ANKFN1: variants seen among roughly 807,000 people sequenced by gnomAD.
ANKFN1 encodes ankyrin repeat and fibronectin type-III domain-containing protein 1.
ANKFN1 carries 74 observed loss-of-function variants against 108.7 expected under a neutral mutation model. The ratio of observed to expected loss-of-function variants is 0.68; its 90% confidence interval spans 0.56 to 0.83. ANKFN1 has a LOEUF of 0.83. Among genes scored for constraint, ANKFN1 ranks in the 40% least tolerant of loss-of-function variants. ANKFN1 has a pLI of 0.00. For missense variants in ANKFN1, 1,505 were observed against 1,382.3 expected (o/e 1.09, Z -1.41); for synonymous variants, 547 against 516.2 (o/e 1.06, Z -0.81).
intron 18 of ANKFN1, among the ~76,000 whole-genome samples, chr17:56,483,302 A>G (rs1042614630): frequency 6.6e-6 from 1 of 152,180 alleles, no homozygotes; most frequent in African/African-American, 2.4e-5. Flanking sequence ...AATTAGCAAG[A>G]GTTCGGTCAG....
intron 8 of ANKFN1, among the ~76,000 whole-genome samples, chr17:56,419,884 G>T (rs1012644235): frequency 4.6e-5 from 7 of 151,942 alleles, no homozygotes; most frequent in African/African-American, 1.5e-4. Context: ...TCTGTATATG[G>T]ATTCCCTTTA....
At chr17:56,460,985 GA>G (rs1212587183) in intron 14 of ANKFN1, among the ~76,000 whole-genome samples, 1 of 152,192 alleles carries the variant, frequency 6.6e-6, no homozygotes, top group Admixed American at 6.5e-5. Flanking sequence ...CCAGAAACCA[GA>G]AGCAGATGAT....
At chr17:56,188,163 C>T (rs1912430963) in intron 1 of ANKFN1, among the ~76,000 whole-genome samples, 2 of 152,098 alleles carry the variant, frequency 1.3e-5, no homozygotes, top group African/African-American at 4.8e-5. Flanking sequence ...TGCCTGAGAA[C>T]TCACTGGCTT....
chr17:56,052,249 C>T (rs1333316656), intron 4 of ANKFN1, among the ~76,000 whole-genome samples: 1 of 152,202 alleles, frequency 6.6e-6, no homozygotes, highest in East Asian at 1.9e-4. Flanking sequence ...TTTTTAGAAG[C>T]TTTACTGACT....
At chr17:56,496,725 T>C (rs1360455365) in intron 19 of ANKFN1, among the ~76,000 whole-genome samples, 1 of 152,144 alleles carries the variant, frequency 6.6e-6, no homozygotes, top group Admixed American at 6.5e-5. Context: ...ATCCTAAACT[T>C]AATCATATCT....
At chr17:56,507,249 A>C (rs1178302577) in intron 20 of ANKFN1, among the ~76,000 whole-genome samples, 5 of 152,192 alleles carry the variant, frequency 3.3e-5, no homozygotes, top group Non-Finnish European at 7.3e-5. Flanking sequence ...TAATTTTCCC[A>C]CTAAAGATTG....
intron 10 of ANKFN1, 120 bp from the exon 11 acceptor site, chr17:56,448,959 G>T: frequency 4.3e-6 from 3 of 702,432 alleles, no homozygotes; most frequent in Non-Finnish European, 4.9e-6. Flanking sequence ...CTGCATGTGC[G>T]GGGTGCTCAT....
At chr17:56,055,594 T>C (rs1295467953) in intron 4 of ANKFN1, among the ~76,000 whole-genome samples, 2 of 131,798 alleles carry the variant, frequency 1.5e-5, no homozygotes, top group Admixed American at 7.6e-5. Context: ...TATATGTATA[T>C]ATACACATTT....
At chr17:56,099,313 G>A (rs1407707131) in intron 4 of ANKFN1, among the ~76,000 whole-genome samples, 2 of 152,170 alleles carry the variant, frequency 1.3e-5, no homozygotes, top group Non-Finnish European at 2.9e-5. Context: ...CTTCACTGAT[G>A]TTTCATGTAA....
chr17:56,187,398 A>G (rs1912327567), intron 1 of ANKFN1, among the ~76,000 whole-genome samples: 1 of 152,216 alleles, frequency 6.6e-6, no homozygotes, highest in Non-Finnish European at 1.5e-5. Context: ...ACCATCTCAT[A>G]CCAGTTAGAA....
chr17:56,148,033 CTG>C (rs778148411), intron 4 of ANKFN1, among the ~76,000 whole-genome samples: 1 of 152,184 alleles, frequency 6.6e-6, no homozygotes, highest in Non-Finnish European at 1.5e-5. Flanking sequence ...GATAAAGAAA[CTG>C]AGACTTATCC....
chr17:56,133,828 C>G (rs1414898014), intron 4 of ANKFN1, among the ~76,000 whole-genome samples: 1 of 151,736 alleles, frequency 6.6e-6, no homozygotes, highest in African/African-American at 2.4e-5. Context: ...CATAATACTT[C>G]TGACACCAGA....
At chr17:56,151,294 G>T (rs934071975), upstream of ANKFN1, among the ~76,000 whole-genome samples, 1 of 152,182 alleles carries the variant, frequency 6.6e-6, no homozygotes, top group African/African-American at 2.4e-5. Flanking sequence ...AGTGCTGTCA[G>T]CCATGCAAAG....
At chr17:56,396,320 C>G (rs144241211) in intron 8 of ANKFN1, among the ~76,000 whole-genome samples, 1 of 152,054 alleles carries the variant, frequency 6.6e-6, no homozygotes, top group African/African-American at 2.4e-5. Context: ...TGGTGGCACA[C>G]GCCTGTAATT....
intron 3 of ANKFN1, chr17:56,258,437 A>T (rs955091653): frequency 7.2e-5 from 11 of 152,180 alleles, no homozygotes; most frequent in Non-Finnish European, 1.3e-4. Flanking sequence ...TGAGGGTTTG[A>T]TGCTGGGTTC....
chr17:56,102,325 T>C (rs1420397892), intron 4 of ANKFN1, among the ~76,000 whole-genome samples: 3 of 152,168 alleles, frequency 2.0e-5, no homozygotes, highest in Non-Finnish European at 4.4e-5. Context: ...TAATTGTCTA[T>C]ACTAGACTAT....
At chr17:56,296,592 G>A (rs1206142105) in intron 3 of ANKFN1, among the ~76,000 whole-genome samples, 2 of 152,174 alleles carry the variant, frequency 1.3e-5, no homozygotes, top group East Asian at 1.9e-4. Context: ...GCTGAGGCAG[G>A]AGAATCACTT....
At chr17:56,347,393 A>G (rs1041419076) in intron 4 of ANKFN1, among the ~76,000 whole-genome samples, 1 of 152,060 alleles carries the variant, frequency 6.6e-6, no homozygotes, top group Non-Finnish European at 1.5e-5. Context: ...AGAAAAAAAG[A>G]GTTTTGATAA....
chr17:56,407,996 G>A lies in ANKFN1; in HGVS notation c.911-32331G>A, dbSNP rs185999354. On this transcript the variant is annotated intron_variant, in intron 8 of 20. Coordinates refer to ENST00000682825, the MANE Select transcript of ANKFN1 (RefSeq NM_001370326.1). ...GCTACCCAGGCTAGAGTGCAGTGGCGTGATTTCGGCTCACTGCAACCTCCG... is the reference window on the plus strand; with the variant it reads ...GCTACCCAGGCTAGAGTGCAGTGGCATGATTTCGGCTCACTGCAACCTCCG... Among the ~76,000 whole-genome samples the A allele has an allele frequency of 2.2e-3, 319 of 142,870 alleles. 5 individuals carry two copies. Among genetic ancestry groups the A allele is most frequent in the African/African-American group, 3.6e-3 (139 of 38,372 alleles). 93.7% of individuals were successfully genotyped at this position (142,870 alleles called of 152,430 possible).
Sources: allele counts gnomAD v4.1 joint callset (sites outside exome capture counted in the v4.1 genomes callset), GRCh38; gene constraint gnomAD v4.1.1; transcripts MANE v1.5; gene names NCBI Gene and HGNC (gene_info 2026-07-23, HGNC 2026-07-21).